Variants in AP3B1 observed in about 807,000 individuals in gnomAD.
AP3B1 encodes the protein AP-3 complex subunit beta-1.
Under a neutral mutation model 132.5 loss-of-function variants are expected in AP3B1, and 61 were observed. The ratio of observed to expected loss-of-function variants is 0.46; its 90% CI spans 0.37 to 0.57. The LOEUF (loss-of-function observed/expected upper bound fraction) is 0.57, where lower values mean the gene tolerates loss of function less well. AP3B1 is among the 20% of genes least tolerant of loss of function. The pLI, the probability that AP3B1 is intolerant of heterozygous loss-of-function variation, is 0.00. For missense variants in AP3B1, 1,120 were observed against 1,289.4 expected (o/e 0.87, Z 2.01); for synonymous variants, 388 against 438.3 (o/e 0.89, Z 1.43).
chr5:78,009,291 C>CAA (rs1286628758), intron 26 of AP3B1, among the ~76,000 whole-genome samples: 163 of 51,920 alleles, frequency 3.1e-3, no homozygotes, highest in East Asian at 0.013. Flanking sequence ...CCTGTCTCTA[C>CAA]AAAAAAAAAA....
chr5:78,186,612 C>T (rs1487857863), intron 7 of AP3B1, among the ~76,000 whole-genome samples: 1 of 152,138 alleles, frequency 6.6e-6, no homozygotes, highest in Non-Finnish European at 1.5e-5. Context: ...TATGCCAGAT[C>T]TCTCTCAATT....
intron 14 of AP3B1, among the ~76,000 whole-genome samples, chr5:78,147,778 TGTAATCCCAG>T: frequency 6.6e-6 from 1 of 152,362 alleles, no homozygotes. Context: ...GGCTCACGCC[TGTAATCCCAG>T]CACTTCGGGA....
chr5:78,204,765 T>C (rs1745435732), intron 7 of AP3B1, among the ~76,000 whole-genome samples: 1 of 152,198 alleles, frequency 6.6e-6, no homozygotes. Flanking sequence ...CTCTGTTCCA[T>C]CCAGCCCCTG....
intron 21 of AP3B1, among the ~76,000 whole-genome samples, chr5:78,093,535 T>A (rs1456200241): frequency 6.6e-6 from 1 of 152,254 alleles, no homozygotes; most frequent in Non-Finnish European, 1.5e-5. Context: ...AAAAACTTTC[T>A]ATAAAACTTT....
rs578144417 is a variant in AP3B1, at chr5:78,039,079, G to T, written c.2773C>A (p.Pro925Thr). 4 of 1,608,998 alleles carry T rather than the reference G, an allele frequency of 2.5e-6. No homozygotes were observed. In the South Asian group the frequency reaches 4.4e-5, roughly 18 times the overall value. Residue 925 changes from proline to threonine, a missense_variant, in exon 23 of 27, where the codon CCT becomes ACT. By Grantham distance (38) the Pro-to-Thr change is conservative. Coordinates refer to ENST00000255194, the MANE Select transcript of AP3B1 (RefSeq NM_003664.5). Reference protein sequence around the residue: ...ENIHIGEKKLPIGMKMHVFNP... With the variant: ...ENIHIGEKKLTIGMKMHVFNP... ...AAAACATGCATTTTCATGCCTATAG[G>T]AAGTTTTTTTTCCCCTATGTGGATA...
At chr5:78,084,754 T>C (rs1750168182) in intron 22 of AP3B1, among the ~76,000 whole-genome samples, 1 of 152,020 alleles carries the variant, frequency 6.6e-6, no homozygotes, top group Non-Finnish European at 1.5e-5. Context: ...AAAACATCCA[T>C]AATCTCATCA....
At chr5:78,015,735 C>T (rs902129842) in intron 25 of AP3B1, 187 bp from the exon 26 acceptor site, 4 of 577,054 alleles carry the variant, frequency 6.9e-6, no homozygotes, top group African/African-American at 3.8e-5. Context: ...TTAAAATCCT[C>T]ATTGTATAGG....
At chr5:78,173,308 T>C (rs1744003869) in intron 11 of AP3B1, among the ~76,000 whole-genome samples, 1 of 152,188 alleles carries the variant, frequency 6.6e-6, no homozygotes, top group Non-Finnish European at 1.5e-5. Flanking sequence ...GGCCTGGATA[T>C]CCTTGTTAAC....
intron 7 of AP3B1, among the ~76,000 whole-genome samples, chr5:78,203,094 G>A (rs1745363274): frequency 1.3e-5 from 2 of 152,148 alleles, no homozygotes; most frequent in Admixed American, 1.3e-4. Context: ...GAAACTAGCT[G>A]TTGATCTTAT....
chr5:78,215,124 C>T (rs1176933600), intron 7 of AP3B1, among the ~76,000 whole-genome samples: 2 of 151,812 alleles, frequency 1.3e-5, no homozygotes, highest in Non-Finnish European at 2.9e-5. Flanking sequence ...TTCTAATTAA[C>T]AAAAGCAAGA....
intron 14 of AP3B1, among the ~76,000 whole-genome samples, chr5:78,146,058 C>G (rs1341090250): frequency 6.6e-6 from 1 of 152,144 alleles, no homozygotes; most frequent in African/African-American, 2.4e-5. Context: ...TTCAGGAGGA[C>G]AGAAGTCTCA....
At chr5:78,239,996 T>A (rs1034622115) in intron 3 of AP3B1, among the ~76,000 whole-genome samples, 1 of 152,184 alleles carries the variant, frequency 6.6e-6, no homozygotes, top group Non-Finnish European at 1.5e-5. Flanking sequence ...ATGACCATAC[T>A]ATGCATGGAA....
At chr5:78,239,724 A>C (rs1747039371) in intron 3 of AP3B1, among the ~76,000 whole-genome samples, 1 of 148,604 alleles carries the variant, frequency 6.7e-6, no homozygotes, top group Admixed American at 6.7e-5. Context: ...GGCTGTAGTG[A>C]GCCAAGATCA....
intron 22 of AP3B1, among the ~76,000 whole-genome samples, chr5:78,087,882 T>C (rs994986370): frequency 6.6e-6 from 1 of 152,226 alleles, no homozygotes; most frequent in Non-Finnish European, 1.5e-5. Context: ...GTAATGACAA[T>C]GTGTCAGTCA....
chr5:78,091,186 T>G (rs1750493429), intron 21 of AP3B1, among the ~76,000 whole-genome samples: 1 of 151,386 alleles, frequency 6.6e-6, no homozygotes, highest in African/African-American at 2.4e-5. Flanking sequence ...ACAACAAATA[T>G]TTATTCTGAA....
intron 14 of AP3B1, among the ~76,000 whole-genome samples, chr5:78,142,645 C>T (rs904179074): frequency 3.3e-5 from 5 of 151,918 alleles, no homozygotes; most frequent in African/African-American, 1.2e-4. Context: ...TATTAAGTTA[C>T]AATATTGAGT....
intron 2 of AP3B1, among the ~76,000 whole-genome samples, chr5:78,241,315 A>G (rs1747127960): frequency 6.6e-6 from 1 of 151,892 alleles, no homozygotes; most frequent in Non-Finnish European, 1.5e-5. Context: ...CCCCCACCTC[A>G]GCTTCAGCTG....
intron 9 of AP3B1, among the ~76,000 whole-genome samples, chr5:78,176,369 C>T (rs1744148886): frequency 6.6e-6 from 1 of 150,708 alleles, no homozygotes; most frequent in African/African-American, 2.4e-5. Flanking sequence ...ATTGAACTAG[C>T]AAAAGAGAAA....
chr5:78,077,241 A>T (rs1749803965), intron 22 of AP3B1, among the ~76,000 whole-genome samples: 1 of 152,144 alleles, frequency 6.6e-6, no homozygotes, highest in Non-Finnish European at 1.5e-5. Flanking sequence ...CCAAAATTAA[A>T]TTCCACTTAG....
Sources: allele counts gnomAD v4.1 joint callset (sites outside exome capture counted in the v4.1 genomes callset), GRCh38; gene constraint gnomAD v4.1.1; transcripts MANE v1.5; gene names NCBI Gene and HGNC (gene_info 2026-07-23, HGNC 2026-07-21).